The following KCNQ3 variants were observed in gnomAD, a reference collection of about 807,000 sequenced individuals.
KCNQ3 encodes potassium voltage-gated channel subfamily Q member 3, also known as potassium voltage-gated channel subfamily KQT member 3.
In KCNQ3, 30 loss-of-function variants were observed where a neutral mutation model predicts 92.5. The ratio of observed to expected loss-of-function variants is 0.32; its 90% confidence interval spans 0.24 to 0.44. The LOEUF (loss-of-function observed/expected upper bound fraction) is 0.44, where lower values mean the gene tolerates loss of function less well. Among genes scored for constraint, KCNQ3 ranks in the 20% least tolerant of loss-of-function variants. The pLI, the probability that KCNQ3 is intolerant of heterozygous loss-of-function variation, is 1.00. For missense variants in KCNQ3, 913 were observed against 1,140.3 expected (o/e 0.80, Z 2.87); for synonymous variants, 450 against 468.8 (o/e 0.96, Z 0.52).
chr8:132,364,744 T>TTGGATGGATGGATGGG (rs1216792555), intron 1 of KCNQ3, among the ~76,000 whole-genome samples: 1 of 150,466 alleles, frequency 6.6e-6, no homozygotes, highest in Non-Finnish European at 1.5e-5. Context: ...GGGTGGCTGG[T>TTGGATGGATGGATGGG]TGGATGGATG....
At chr8:132,400,555 G>A (rs927233909) in intron 1 of KCNQ3, among the ~76,000 whole-genome samples, 1 of 152,178 alleles carries the variant, frequency 6.6e-6, no homozygotes, top group Non-Finnish European at 1.5e-5. Flanking sequence ...GCGGGTCCCT[G>A]CACACACAAC....
intron 1 of KCNQ3, among the ~76,000 whole-genome samples, chr8:132,415,957 C>A (rs1230408554): frequency 6.6e-6 from 1 of 152,200 alleles, no homozygotes; most frequent in Non-Finnish European, 1.5e-5. Flanking sequence ...CTGGTAGGCA[C>A]CTCCCAGCTA....
chr8:132,338,071 G>A (rs768949973), intron 1 of KCNQ3, among the ~76,000 whole-genome samples: 4 of 152,176 alleles, frequency 2.6e-5, no homozygotes, highest in Non-Finnish European at 5.9e-5. Flanking sequence ...AGAAACAAAT[G>A]GCTTCTATAA....
chr8:132,311,216 A>G (rs1817582786), intron 1 of KCNQ3, among the ~76,000 whole-genome samples: 1 of 152,208 alleles, frequency 6.6e-6, no homozygotes, highest in Non-Finnish European at 1.5e-5. Context: ...AGCCTGGTAG[A>G]TTAAAGTGAT....
At chr8:132,408,355 T>C (rs1269603965) in intron 1 of KCNQ3, among the ~76,000 whole-genome samples, 1 of 152,130 alleles carries the variant, frequency 6.6e-6, no homozygotes, top group South Asian at 2.1e-4. Flanking sequence ...CTGGGTGTAC[T>C]GGAGTCCCTT....
rs546070423 is a variant in KCNQ3, at chr8:132,197,010, T to C, written c.387-10829A>G. 1.7e-4 allele frequency among the ~76,000 whole-genome samples: 25 copies of C among 147,858 alleles called. 1 individual carries two copies. Among genetic ancestry groups the C allele is most frequent in the African/African-American group, 6.2e-4 (24 of 38,770 alleles). ...AATGACTGTGTTCCACCATGTCTCATGGATTTTTTTTTTTTTTTTGCCATT... is the reference window on the plus strand; with the variant it reads ...AATGACTGTGTTCCACCATGTCTCACGGATTTTTTTTTTTTTTTTGCCATT... On this transcript the variant is annotated intron_variant, in intron 1 of 14. Transcript: ENST00000388996.
intron 1 of KCNQ3, among the ~76,000 whole-genome samples, chr8:132,265,321 C>T (rs1481374165): frequency 1.3e-5 from 2 of 152,226 alleles, no homozygotes; most frequent in African/African-American, 4.8e-5. Flanking sequence ...CAAGGCCATC[C>T]ACCAACAACC....
At chr8:132,198,370 G>C (rs1467557270) in intron 1 of KCNQ3, among the ~76,000 whole-genome samples, 1 of 152,204 alleles carries the variant, frequency 6.6e-6, no homozygotes, top group Non-Finnish European at 1.5e-5. Flanking sequence ...AATGTGTGTT[G>C]TGTTTAGCTA....
intron 1 of KCNQ3, among the ~76,000 whole-genome samples, chr8:132,227,645 C>T (rs928465693): frequency 6.6e-6 from 1 of 152,142 alleles, no homozygotes; most frequent in Non-Finnish European, 1.5e-5. Context: ...TTGTGGAAAC[C>T]TGATTGAAGG....
chr8:132,279,349 A>G (rs1816442259), intron 1 of KCNQ3, among the ~76,000 whole-genome samples: 1 of 152,224 alleles, frequency 6.6e-6, no homozygotes, highest in South Asian at 2.1e-4. Context: ...ATGGTTAAGA[A>G]GCCCTGGACC....
At chr8:132,223,014 G>A (rs183801104) in intron 1 of KCNQ3, among the ~76,000 whole-genome samples, 89 of 152,326 alleles carry the variant, frequency 5.8e-4, no homozygotes, top group African/African-American at 2.1e-3. Context: ...ATCATTACTG[G>A]TTGTCCCAGC....
chr8:132,238,516 G>A (rs1814887398), intron 1 of KCNQ3, among the ~76,000 whole-genome samples: 3 of 152,250 alleles, frequency 2.0e-5, no homozygotes, highest in Middle Eastern at 6.8e-3. Flanking sequence ...GTCTTTGACT[G>A]TAGATCCGCT....
At chr8:132,285,547 G>A (rs540656380) in intron 1 of KCNQ3, among the ~76,000 whole-genome samples, 1 of 152,330 alleles carries the variant, frequency 6.6e-6, no homozygotes, top group South Asian at 2.1e-4. Flanking sequence ...ACTTATAACT[G>A]TTTACAGTGA....
intron 1 of KCNQ3, among the ~76,000 whole-genome samples, chr8:132,217,894 C>G (rs1814094175): frequency 1.3e-5 from 2 of 152,092 alleles, no homozygotes; most frequent in African/African-American, 2.4e-5. Flanking sequence ...TTAAAAGCAG[C>G]CCATTAAGTG....
chr8:132,447,544 G>A (rs1287878550), intron 1 of KCNQ3, among the ~76,000 whole-genome samples: 1 of 152,188 alleles, frequency 6.6e-6, no homozygotes. Context: ...AAGGAGCAGA[G>A]TAGCGGGTGA....
intron 1 of KCNQ3, among the ~76,000 whole-genome samples, chr8:132,444,015 G>C (rs1487472439): frequency 6.6e-6 from 1 of 152,074 alleles, no homozygotes; most frequent in African/African-American, 2.4e-5. Flanking sequence ...AGAAACCCAA[G>C]AGGTACCGAG....
chr8:132,257,084 TATG>T (rs1207905979), intron 1 of KCNQ3, among the ~76,000 whole-genome samples: 1 of 152,208 alleles, frequency 6.6e-6, no homozygotes, highest in Admixed American at 6.5e-5. Context: ...ACACAGTTTT[TATG>T]ATAATGGTAG....
intron 1 of KCNQ3, among the ~76,000 whole-genome samples, chr8:132,280,816 T>G (rs985587429): frequency 1.3e-4 from 20 of 152,200 alleles, no homozygotes; most frequent in Non-Finnish European, 2.2e-4. Flanking sequence ...ATTCCTCTTT[T>G]TGTTTGCGAT....
At chr8:132,462,122 G>A (rs941509648) in intron 1 of KCNQ3, among the ~76,000 whole-genome samples, 2 of 152,100 alleles carry the variant, frequency 1.3e-5, no homozygotes, top group Non-Finnish European at 2.9e-5. Context: ...AAAAATCAAC[G>A]AGTTATTACA....
Sources: allele counts gnomAD v4.1 joint callset (sites outside exome capture counted in the v4.1 genomes callset), GRCh38; gene constraint gnomAD v4.1.1; transcripts MANE v1.5; gene names NCBI Gene and HGNC (gene_info 2026-07-23, HGNC 2026-07-21).